Variants in BNC2 observed in about 807,000 individuals in gnomAD.
BNC2 encodes basonuclin zinc finger protein 2.
A neutral mutation model predicts 76.3 loss-of-function variants in BNC2; 20 were observed. That is an observed-to-expected ratio of 0.26 (90% CI 0.18 to 0.38). BNC2 has a LOEUF of 0.38. Ranked by LOEUF, BNC2 falls within the 10% of genes least tolerant of loss-of-function variation. BNC2 has a pLI of 1.00. For synonymous variants in BNC2, 582 were observed against 514.8 expected (o/e 1.13, Z -1.77); for missense variants, 1,382 against 1,399.8 (o/e 0.99, Z 0.20).
At chr9:16,828,778 G>C (rs1000132506) in intron 1 of BNC2, among the ~76,000 whole-genome samples, 1 of 152,194 alleles carries the variant, frequency 6.6e-6, no homozygotes, top group Non-Finnish European at 1.5e-5. Context: ...CATGCAACTT[G>C]AAAATCACTG....
chr9:16,543,401 C>T (rs2132409655), intron 5 of BNC2, among the ~76,000 whole-genome samples: 1 of 152,244 alleles, frequency 6.6e-6, no homozygotes, highest in South Asian at 2.1e-4. Flanking sequence ...CTCAGGAGAT[C>T]ATATGATTTA....
intron 5 of BNC2, among the ~76,000 whole-genome samples, chr9:16,485,453 C>G (rs534683939): frequency 6.6e-6 from 1 of 152,302 alleles, no homozygotes; most frequent in South Asian, 2.1e-4. Context: ...CCAAATCCAT[C>G]ACCCAGCCAC....
At chr9:16,817,834 G>T (rs939788539) in intron 1 of BNC2, among the ~76,000 whole-genome samples, 1 of 152,104 alleles carries the variant, frequency 6.6e-6, no homozygotes, top group Non-Finnish European at 1.5e-5. Context: ...TTTCTTTAAT[G>T]TCTGCCGTCT....
At chr9:16,723,280 C>T (rs1485458025) in intron 3 of BNC2, among the ~76,000 whole-genome samples, 2 of 151,958 alleles carry the variant, frequency 1.3e-5, no homozygotes, top group African/African-American at 4.8e-5. Context: ...TTTTCAAAGA[C>T]CATTAACTAT....
chr9:16,523,639 A>C (rs1817693612), intron 5 of BNC2, among the ~76,000 whole-genome samples: 1 of 152,052 alleles, frequency 6.6e-6, no homozygotes, highest in Admixed American at 6.5e-5. Context: ...GATTAAAAGA[A>C]TCTTTTGGCC....
At chr9:16,507,240 T>A (rs896674291) in intron 5 of BNC2, among the ~76,000 whole-genome samples, 2 of 150,544 alleles carry the variant, frequency 1.3e-5, no homozygotes, top group Non-Finnish European at 3.0e-5. Context: ...GAGGGCAGTG[T>A]GTCCATTTGC....
intron 3 of BNC2, among the ~76,000 whole-genome samples, chr9:16,593,663 C>T (rs1819992655): frequency 6.6e-6 from 1 of 151,972 alleles, no homozygotes; most frequent in Admixed American, 6.6e-5. Flanking sequence ...TATTTTCTTA[C>T]CTAACATTTA....
intron 1 of BNC2, among the ~76,000 whole-genome samples, chr9:16,860,718 C>T (rs184492954): frequency 7.2e-5 from 11 of 152,314 alleles, no homozygotes; most frequent in East Asian, 1.9e-4. Context: ...TCAAAAATTT[C>T]TGTGCTTGAA....
chr9:16,445,749 T>C (rs145966558), intron 5 of BNC2, among the ~76,000 whole-genome samples: 31 of 152,314 alleles, frequency 2.0e-4, no homozygotes, highest in Admixed American at 4.6e-4. Flanking sequence ...AACATTGACC[T>C]ATGTGAACAA....
chr9:16,784,187 G>A (rs1304131806), intron 1 of BNC2, among the ~76,000 whole-genome samples: 1 of 152,210 alleles, frequency 6.6e-6, no homozygotes, highest in African/African-American at 2.4e-5. Context: ...TGGGAGCACA[G>A]TCCCAGCCCT....
intron 5 of BNC2, among the ~76,000 whole-genome samples, chr9:16,494,016 G>A (rs1382704932): frequency 1.3e-5 from 2 of 152,172 alleles, no homozygotes; most frequent in African/African-American, 4.8e-5. Context: ...ACCATATGCT[G>A]CATGTTTGGT....
rs1389086778 is a variant in BNC2, at chr9:16,648,638, AG to A, written c.331-65554del. ...AACATAATTTTGCTAAGGCGAACTA[AG>A]GGGTGGTTAATGAGGCTCCATCAAA... is the stretch of plus-strand genomic sequence containing the variant. On this transcript the variant is annotated intron_variant, in intron 3 of 6. Transcript: ENST00000380672. 3.3e-5 allele frequency among the ~76,000 whole-genome samples: 5 copies of A among 152,336 alleles called. No individual in the cohort carries two copies. In the East Asian group the frequency reaches 9.7e-4, roughly 29 times the overall value.
chr9:16,597,321 C>A (rs1402821057), intron 3 of BNC2, among the ~76,000 whole-genome samples: 1 of 151,966 alleles, frequency 6.6e-6, no homozygotes, highest in Non-Finnish European at 1.5e-5. Flanking sequence ...GGGCACGCTG[C>A]CTAAATTTAA....
chr9:16,692,536 A>C (rs749470018), intron 3 of BNC2, among the ~76,000 whole-genome samples: 3 of 152,284 alleles, frequency 2.0e-5, no homozygotes, highest in East Asian at 3.9e-4. Flanking sequence ...GTAGGTACAC[A>C]GTATATCTGT....
At chr9:16,544,855 C>T (rs1818430302) in intron 5 of BNC2, among the ~76,000 whole-genome samples, 1 of 150,966 alleles carries the variant, frequency 6.6e-6, no homozygotes, top group Non-Finnish European at 1.5e-5. Context: ...AAAATGCACA[C>T]ATGAAAATAC....
At chr9:16,424,409 A>T (rs112199397) in intron 6 of BNC2, among the ~76,000 whole-genome samples, 8,557 of 152,270 alleles carry the variant, frequency 0.056, 286 homozygotes, top group Middle Eastern at 0.11. Flanking sequence ...TGGTGAATTG[A>T]AACAAAATAC....
At chr9:16,618,787 G>A (rs764659221) in intron 3 of BNC2, among the ~76,000 whole-genome samples, 4 of 152,124 alleles carry the variant, frequency 2.6e-5, no homozygotes, top group Non-Finnish European at 2.9e-5. Context: ...CTCTAACACC[G>A]GCTTTGTCAA....
intron 5 of BNC2, among the ~76,000 whole-genome samples, chr9:16,468,901 T>C (rs1181497443): frequency 6.6e-6 from 1 of 152,174 alleles, no homozygotes; most frequent in East Asian, 1.9e-4. Context: ...AAATATCACA[T>C]AGCATTGCAA....
intron 5 of BNC2, among the ~76,000 whole-genome samples, chr9:16,498,206 C>CATAT (rs1190362360): frequency 8.5e-6 from 1 of 117,644 alleles, no homozygotes; most frequent in African/African-American, 5.0e-5. Flanking sequence ...TATATTCCAT[C>CATAT]ATATATATAT....
Sources: allele counts gnomAD v4.1 joint callset (sites outside exome capture counted in the v4.1 genomes callset), GRCh38; gene constraint gnomAD v4.1.1; transcripts MANE v1.5; gene names NCBI Gene and HGNC (gene_info 2026-07-23, HGNC 2026-07-21).